The following CTTNBP2 variants were observed in gnomAD, a reference collection of about 807,000 sequenced individuals.
CTTNBP2 encodes the protein cortactin-binding protein 2.
A neutral mutation model predicts 156.9 loss-of-function variants in CTTNBP2; 108 were observed. That is an observed-to-expected ratio of 0.69 (90% CI 0.59 to 0.81). CTTNBP2 has a LOEUF of 0.81. CTTNBP2 is among the 30% of genes least tolerant of loss of function. CTTNBP2 has a pLI of 0.00. For synonymous variants in CTTNBP2, 767 were observed against 751.8 expected (o/e 1.02, Z -0.33); for missense variants, 1,924 against 2,035.4 (o/e 0.95, Z 1.05).
chr7:117,856,773 C>T (rs901468679), intron 2 of CTTNBP2, among the ~76,000 whole-genome samples: 3 of 152,140 alleles, frequency 2.0e-5, no homozygotes, highest in South Asian at 4.1e-4. Context: ...TTTATGTAAA[C>T]TCATGCTAAT....
intron 3 of CTTNBP2, among the ~76,000 whole-genome samples, chr7:117,795,179 A>AG (rs11401613): frequency 1 from 151,584 of 151,592 alleles, 75,788 homozygotes; most frequent in Middle Eastern, 1. Flanking sequence ...TACAGGCGTG[A>AG]CGACCGCGCC....
At chr7:117,720,195 T>C (rs1197467382) in intron 20 of CTTNBP2, among the ~76,000 whole-genome samples, 1 of 151,030 alleles carries the variant, frequency 6.6e-6, no homozygotes, top group African/African-American at 2.4e-5. Context: ...TTCTCTCTCT[T>C]TACCCTCCCC....
chr7:117,769,424 A>G (rs1258787276), intron 8 of CTTNBP2, among the ~76,000 whole-genome samples: 1 of 152,174 alleles, frequency 6.6e-6, no homozygotes, highest in African/African-American at 2.4e-5. Flanking sequence ...TGCAAAGGGA[A>G]GCAACTAGGA....
At chr7:117,793,767 T>C (rs1283417153) in intron 3 of CTTNBP2, among the ~76,000 whole-genome samples, 2 of 152,218 alleles carry the variant, frequency 1.3e-5, no homozygotes, top group Non-Finnish European at 2.9e-5. Flanking sequence ...GTGAAATCAT[T>C]TTTCTAACTG....
At chr7:117,776,912 A>T (rs969102212) in intron 8 of CTTNBP2, among the ~76,000 whole-genome samples, 3 of 152,186 alleles carry the variant, frequency 2.0e-5, no homozygotes, top group African/African-American at 7.2e-5. Context: ...GCACTCAGGA[A>T]CTTTCTAATA....
At chr7:117,756,142 A>C (rs1255218377) in intron 12 of CTTNBP2, among the ~76,000 whole-genome samples, 1 of 152,226 alleles carries the variant, frequency 6.6e-6, no homozygotes, top group East Asian at 1.9e-4. Context: ...GGTTTCCGTT[A>C]AAGTGGCCAA....
chr7:117,766,291 G>C (rs936546995), intron 9 of CTTNBP2, among the ~76,000 whole-genome samples: 1 of 151,884 alleles, frequency 6.6e-6, no homozygotes, highest in African/African-American at 2.4e-5. Flanking sequence ...AAACCCCCTC[G>C]GGTTTAAAGA....
chr7:117,737,405 G>A (rs1201925683), intron 14 of CTTNBP2, among the ~76,000 whole-genome samples: 1 of 152,124 alleles, frequency 6.6e-6, no homozygotes, highest in Non-Finnish European at 1.5e-5. Flanking sequence ...TAAGTGCATC[G>A]CCAGTTTAAG....
intron 22 of CTTNBP2, chr7:117,716,013 A>G (rs1405280218): frequency 6.7e-6 from 1 of 149,984 alleles, no homozygotes; most frequent in Admixed American, 6.6e-5. Flanking sequence ...TCTGAGAAAA[A>G]CATCATCTAG....
At chr7:117,831,503 C>T (rs1281647069) in intron 2 of CTTNBP2, among the ~76,000 whole-genome samples, 3 of 152,030 alleles carry the variant, frequency 2.0e-5, no homozygotes, top group African/African-American at 7.2e-5. Flanking sequence ...CTCCTTCTTG[C>T]CAATATGATT....
intron 2 of CTTNBP2, among the ~76,000 whole-genome samples, chr7:117,858,964 T>C (rs1208162837): frequency 6.6e-6 from 1 of 152,176 alleles, no homozygotes; most frequent in Non-Finnish European, 1.5e-5. Context: ...ACTATTATAT[T>C]CATGTCAATG....
intron 12 of CTTNBP2, among the ~76,000 whole-genome samples, chr7:117,749,359 T>C (rs1006506266): frequency 6.6e-6 from 1 of 152,158 alleles, no homozygotes; most frequent in South Asian, 2.1e-4. Flanking sequence ...GTGTCTGCAG[T>C]TGCTGATTAA....
chr7:117,813,266 A>C (rs1800392219), intron 2 of CTTNBP2, among the ~76,000 whole-genome samples: 1 of 152,210 alleles, frequency 6.6e-6, no homozygotes, highest in African/African-American at 2.4e-5. Flanking sequence ...TAGGCCATAA[A>C]TGTAGGACAA....
At chr7:117,831,724 G>A (rs1404767907) in intron 2 of CTTNBP2, among the ~76,000 whole-genome samples, 2 of 151,928 alleles carry the variant, frequency 1.3e-5, no homozygotes, top group African/African-American at 4.8e-5. Flanking sequence ...GCTCGAGGTG[G>A]ACATTCCAAA....
chr7:117,777,345 G>A (rs1430307192), intron 8 of CTTNBP2, among the ~76,000 whole-genome samples, 166 bp downstream of exon 8: 1 of 152,136 alleles, frequency 6.6e-6, no homozygotes, highest in Non-Finnish European at 1.5e-5. Context: ...TTGACCATAA[G>A]TAACTACTAC....
intron 22 of CTTNBP2, among the ~76,000 whole-genome samples, chr7:117,717,197 T>C (rs1794451398): frequency 6.6e-6 from 1 of 152,222 alleles, no homozygotes; most frequent in African/African-American, 2.4e-5. Flanking sequence ...TCATGGAAGC[T>C]ATTTCAAAAG....
chr7:117,805,409 G>A (rs1799872109), intron 3 of CTTNBP2, among the ~76,000 whole-genome samples: 1 of 152,094 alleles, frequency 6.6e-6, no homozygotes, highest in Admixed American at 6.5e-5. Context: ...TTAAGTATGT[G>A]GACTCTGAAG....
Position 117,711,645 on chromosome 7 carries a change from T to C in CTTNBP2, c.4884A>G (p.Lys1628=). The C allele has an allele frequency of 6.2e-7, 1 of 1,614,126 alleles. No homozygotes were observed. Among genetic ancestry groups the C allele is most frequent in the Non-Finnish European group, 8.5e-7 (1 of 1,179,976 alleles). ...TTGTATTACTGCTGCTGCTGCTTCT[T>C]TTGGTGTTCTGGGAACACTGGGTGA... ...SKVTQCSQNT[K]RSSSSSNTRQ... is the part of the protein sequence containing the mutation. Residue 1628 remains lysine, a synonymous_variant, in exon 23 of 23, where the codon AAA becomes AAG. Coordinates refer to ENST00000160373, the MANE Select transcript of CTTNBP2 (RefSeq NM_033427.3).
chr7:117,773,648 AACACACACACACACACACAC>A lies in CTTNBP2; in HGVS notation c.2778+3843_2778+3862del, dbSNP rs71528190. The stretch of plus-strand genomic sequence containing the variant: ...TAAAGCTTGGGAGTTGCTTAGAGTT[AACACACACACACACACACAC>A]ACACACACACACACACACACACACA... On this transcript the variant is annotated intron_variant, in intron 8 of 22. Coordinates refer to ENST00000160373, the MANE Select transcript of CTTNBP2 (RefSeq NM_033427.3). 2.5e-3 allele frequency among the ~76,000 whole-genome samples: 242 copies of A among 95,132 alleles called. 4 individuals are homozygous for A. In the South Asian group the frequency reaches 0.038, roughly 15 times the overall value. The allele number at this position is 95,132 out of a possible 152,430, so 62.4% of individuals were successfully genotyped here.
Sources: gnomAD v4.1 joint callset for allele counts (sites outside exome capture counted in the v4.1 genomes callset) on GRCh38, gnomAD v4.1.1 for gene constraint, MANE v1.5 for transcripts, NCBI Gene and HGNC (gene_info 2026-07-23, HGNC 2026-07-21) for gene names.